The following TLK2 variants were observed in gnomAD, a reference collection of about 807,000 sequenced individuals.
TLK2 encodes tousled like kinase 2.
TLK2 carries 6 observed loss-of-function variants against 117.3 expected under a neutral mutation model. The observed-to-expected ratio is 0.05, with a 90% CI of 0.03 to 0.10. The LOEUF (loss-of-function observed/expected upper bound fraction) is 0.10, where lower values mean the gene tolerates loss of function less well. Ranked by LOEUF, TLK2 falls within the 10% of genes least tolerant of loss-of-function variation. The pLI is 1.00. For synonymous variants in TLK2, 257 were observed against 316.7 expected, an observed-to-expected ratio of 0.81 and a Z score of 2.00; for missense variants, 299 against 901.2, an observed-to-expected ratio of 0.33 and a Z score of 8.56.
At chr17:62,512,213 C>CTTTTTTTTTTTTTTTTTTTTT (rs35913164) in intron 2 of TLK2, among the ~76,000 whole-genome samples, 1 of 40,616 alleles carries the variant, frequency 2.5e-5, no homozygotes. Context: ...ATCACCCCTC[C>CTTTTTTTTTTTTTTTTTTTTT]TTTTTTTTTT....
At chr17:62,488,328 A>G (rs1427391715) in intron 2 of TLK2, among the ~76,000 whole-genome samples, 1 of 152,194 alleles carries the variant, frequency 6.6e-6, no homozygotes, top group African/African-American at 2.4e-5. Flanking sequence ...TAACCAACTG[A>G]TACCTTTCTT....
At chr17:62,560,602 A>G (rs970142328) in intron 10 of TLK2, among the ~76,000 whole-genome samples, 1 of 151,708 alleles carries the variant, frequency 6.6e-6, no homozygotes, top group Non-Finnish European at 1.5e-5. Flanking sequence ...TGTCCTCTTT[A>G]TTATATTCAT....
chr17:62,512,861 A>T (rs12952269), intron 2 of TLK2, among the ~76,000 whole-genome samples: 7 of 141,158 alleles, frequency 5.0e-5, no homozygotes, highest in African/African-American at 1.0e-4. Context: ...AAAATTTATT[A>T]ATTATTATTA....
chr17:62,504,200 G>T (rs1223850017), intron 2 of TLK2, among the ~76,000 whole-genome samples: 1 of 152,170 alleles, frequency 6.6e-6, no homozygotes, highest in Non-Finnish European at 1.5e-5. Flanking sequence ...TAGGGGAAAA[G>T]AAGTAACTAA....
intron 9 of TLK2, among the ~76,000 whole-genome samples, chr17:62,559,363 GTTTATTTTTTTTTTATTT>G (rs1312557751): frequency 9.3e-5 from 14 of 150,458 alleles, no homozygotes; most frequent in South Asian, 4.2e-4. Context: ...ATTCATTGTA[GTTTATTTTTTTTTTATTT>G]TTTATTTTTT....
chr17:62,512,897 A>ATTATT (rs1567824288), intron 2 of TLK2, among the ~76,000 whole-genome samples: 1 of 64,304 alleles, frequency 1.6e-5, no homozygotes, highest in African/African-American at 3.8e-5. Flanking sequence ...TTATTATTAG[A>ATTATT]GACGAAGTTT....
chr17:62,520,740 AATTT>A (rs756215645), intron 2 of TLK2, 29 bp from the exon 3 acceptor site: 10 of 1,597,270 alleles, frequency 6.3e-6, no homozygotes, highest in South Asian at 3.4e-5. Flanking sequence ...TTAGGATTAA[AATTT>A]ATTTATTTAT....
intron 15 of TLK2, among the ~76,000 whole-genome samples, chr17:62,583,924 G>A (rs1241348771): frequency 1.3e-5 from 2 of 151,902 alleles, no homozygotes; most frequent in African/African-American, 4.8e-5. Context: ...AGTGATGTGT[G>A]CATTTAATGT....
intron 9 of TLK2, among the ~76,000 whole-genome samples, chr17:62,555,391 G>T (rs1352463923): frequency 2.6e-5 from 4 of 151,734 alleles, no homozygotes; most frequent in Non-Finnish European, 5.9e-5. Context: ...AGTGTATTTT[G>T]ACTCCTTTTT....
chr17:62,538,539 A>G (rs1224427675), intron 7 of TLK2, among the ~76,000 whole-genome samples: 1 of 152,232 alleles, frequency 6.6e-6, no homozygotes, highest in Non-Finnish European at 1.5e-5. Context: ...GTCAGCAAGA[A>G]CTTGTTCCCC....
intron 1 of TLK2, chr17:62,471,194 C>G (rs2055154153): frequency 1.3e-5 from 2 of 152,242 alleles, no homozygotes; most frequent in Admixed American, 1.3e-4. Flanking sequence ...AGCTTGTGCT[C>G]TTGACTGCCT....
chr17:62,564,237 A>G (rs769923240), intron 10 of TLK2, among the ~76,000 whole-genome samples: 4 of 151,996 alleles, frequency 2.6e-5, no homozygotes, highest in Non-Finnish European at 5.9e-5. Context: ...ACCAGTCTCT[A>G]CTAAAAAATA....
chr17:62,491,772 G>C (rs1249807864), intron 2 of TLK2, among the ~76,000 whole-genome samples: 1 of 152,122 alleles, frequency 6.6e-6, no homozygotes, highest in South Asian at 2.1e-4. Context: ...TTTTAGTAGA[G>C]ATGGGGTTTC....
intron 16 of TLK2, among the ~76,000 whole-genome samples, chr17:62,594,584 T>G (rs1350137226): frequency 6.6e-6 from 1 of 152,168 alleles, no homozygotes; most frequent in Non-Finnish European, 1.5e-5. Flanking sequence ...TTACCCAGCT[T>G]CTAAATAAAG....
chr17:62,559,155 A>G (rs1352011106), intron 9 of TLK2, among the ~76,000 whole-genome samples: 2 of 152,294 alleles, frequency 1.3e-5, no homozygotes, highest in South Asian at 2.1e-4. Context: ...AATTAGCTGT[A>G]TATTTACATT....
chr17:62,503,415 C>CT (rs35652112), intron 2 of TLK2, among the ~76,000 whole-genome samples: 1,502 of 93,982 alleles, frequency 0.016, 34 homozygotes, highest in African/African-American at 0.052. Flanking sequence ...TTAGTTATAA[C>CT]TTTTTTTTTT....
chr17:62,500,787 G>A (rs1187954812), intron 2 of TLK2, among the ~76,000 whole-genome samples: 2 of 152,060 alleles, frequency 1.3e-5, no homozygotes, highest in Non-Finnish European at 2.9e-5. Flanking sequence ...AATTAAATTA[G>A]AAATGAAAAA....
chr17:62,481,321 GGTCTTAA>G (rs1370221526), intron 2 of TLK2, 115 bp downstream of exon 2: 2 of 1,145,238 alleles, frequency 1.7e-6, no homozygotes, highest in African/African-American at 3.1e-5. Flanking sequence ...AGAAGATTTG[GGTCTTAA>G]TTTCAGTGAA....
At chr17:62,516,831 T>C (rs1387334791) in intron 2 of TLK2, 4 of 996,334 alleles carry the variant, frequency 4.0e-6, no homozygotes, top group Admixed American at 2.1e-5. Context: ...TGTTTAGGTC[T>C]TTGATGTGTT....
Sources: allele counts gnomAD v4.1 joint callset (sites outside exome capture counted in the v4.1 genomes callset), GRCh38; gene constraint gnomAD v4.1.1; transcripts MANE v1.5; gene names NCBI Gene and HGNC (gene_info 2026-07-23, HGNC 2026-07-21).